NECAP1: variants seen among roughly 807,000 people sequenced by gnomAD.
NECAP1 encodes the protein adaptin ear-binding coat-associated protein 1.
NECAP1 carries 13 observed loss-of-function variants against 33.4 expected under a neutral mutation model. The ratio of observed to expected loss-of-function variants is 0.39; its 90% CI spans 0.25 to 0.62. The LOEUF (loss-of-function observed/expected upper bound fraction) is 0.62. NECAP1 is among the 20% of genes least tolerant of loss of function. The pLI is 0.52. For synonymous variants in NECAP1, 109 were observed against 125.2 expected, an observed-to-expected ratio of 0.87 and a Z score of 0.86; for missense variants, 272 against 347.4, an observed-to-expected ratio of 0.78 and a Z score of 1.73.
At chr12:8,083,163 G>A (rs1397058483) in intron 1 of NECAP1, among the ~76,000 whole-genome samples, 5 of 152,138 alleles carry the variant, frequency 3.3e-5, no homozygotes, top group Admixed American at 3.3e-4. Flanking sequence ...ATGACTGTGA[G>A]GTTCTGAGGA....
chr12:8,092,321 ACT>A, intron 4 of NECAP1: 1 of 265,786 alleles, frequency 3.8e-6, no homozygotes, highest in Non-Finnish European at 7.2e-6. Context: ...CTGCCTTAGG[ACT>A]CTCTGAAGTT....
rs368645796 is a variant in NECAP1, at chr12:8,086,538, C to T, written c.96-3398C>T. On this transcript the variant is annotated intron_variant, in intron 1 of 7. Coordinates refer to ENST00000339754, the MANE Select transcript of NECAP1 (RefSeq NM_015509.4). ...CTGAGGCAGTAGAATTGTTTGAACC[C>T]GGGAGGCGGAGGTTGCAATGAGCTG... is the stretch of plus-strand genomic sequence containing the variant. 3.7e-4 allele frequency among the ~76,000 whole-genome samples: 57 copies of T among 152,188 alleles called. No homozygotes were observed. The Middle Eastern group carries it at 0.01, about 27-fold the overall frequency.
Position 8,082,447 on chromosome 12 carries a change from C to T in NECAP1, c.95+64C>T, listed in dbSNP as rs746517484. ...TCGCAGATGACAGCTTCCTTCTCAGCTAGCACGCTGTCCGTCCCTGCCACT... is the reference window on the plus strand; with the variant it reads ...TCGCAGATGACAGCTTCCTTCTCAGTTAGCACGCTGTCCGTCCCTGCCACT... On this transcript the variant is annotated intron_variant, in intron 1 of 7. Coordinates refer to ENST00000339754, the MANE Select transcript of NECAP1 (RefSeq NM_015509.4). 15 of 1,442,422 alleles carry T rather than the reference C, an allele frequency of 1.0e-5. No homozygotes were observed. In the East Asian group the frequency reaches 1.7e-4, roughly 16 times the overall value. The allele number at this position is 1,442,422 out of a possible 1,614,324, so 89.4% of individuals were successfully genotyped here.
intron 1 of NECAP1, among the ~76,000 whole-genome samples, chr12:8,087,939 T>C (rs1947506849): frequency 6.6e-6 from 1 of 152,212 alleles, no homozygotes; most frequent in Non-Finnish European, 1.5e-5. Context: ...ACCTCTCATC[T>C]TGTTAAACTC....
In NECAP1 at chr12:8,095,633, G is replaced by C. The variant is rs752918460; in HGVS notation, c.709G>C (p.Val237Leu). 2.1e-4 allele frequency: 339 copies of C among 1,613,748 alleles called. 7 individuals carry two copies. In the South Asian group the frequency reaches 3.6e-3, roughly 17 times the overall value. Reference protein sequence around the residue: ...ILLDLDSPAPVTTPAPTPVSV... With the variant: ...ILLDLDSPAPLTTPAPTPVSV... The stretch of plus-strand genomic sequence containing the variant: ...TTTAGATTTGGATTCTCCTGCTCCT[G>C]TCACGACACCAGCACCAACTCCAGT... The change falls in exon 7 of 8, where the codon GTC (valine) becomes CTC (leucine). Residue 237 changes from valine (V) to leucine (L), a missense_variant. By Grantham distance (32) the Val-to-Leu change is conservative. Transcript: ENST00000339754.
rs757344160 is a variant in NECAP1 at position 8,090,187 on chromosome 12, T to C, written c.197-8T>C. The C allele has an allele frequency of 7.4e-6, 12 of 1,613,936 alleles. No homozygotes were observed. Among genetic ancestry groups the C allele is most frequent in the Non-Finnish European group, 1.0e-5 (12 of 1,179,792 alleles). The stretch of plus-strand genomic sequence containing the variant: ...TTTACTCAAAAAAGTCTTTCTCTTA[T>C]CTGTCAGGGGAGCTCTTTGCTCAGG... On this transcript the variant is annotated splice_polypyrimidine_tract_variant and splice_region_variant and intron_variant, in intron 2 of 7. Coordinates refer to ENST00000339754, the MANE Select transcript of NECAP1 (RefSeq NM_015509.4).
rs1317653839 is a variant in NECAP1 at position 8,093,268 on chromosome 12, A to C, written c.676+213A>C. 8 of 516,662 alleles carry C rather than the reference A, an allele frequency of 1.5e-5. No homozygotes were observed. The Admixed American group carries it at 3.1e-4, about 20-fold the overall frequency. 32.0% of individuals were successfully genotyped at this position (516,662 alleles called of 1,614,324 possible). A position where few individuals can be genotyped will look rare whatever the true frequency, so the allele number is the denominator to read the frequency against. ...CTTTGGCAGAAAATATTTGCTTATT[A>C]AAATGACAATTTCCTTCATTTTTTT... On this transcript the variant is annotated intron_variant, in intron 6 of 7. Coordinates refer to ENST00000339754, the MANE Select transcript of NECAP1 (RefSeq NM_015509.4).
In NECAP1 at chr12:8,096,550, A is replaced by G. The variant is rs1032246087; in HGVS notation, c.*460A>G. ...TCCTTCTCCACTAACCCAGGACTAA[A>G]AATGGACAGGCTGACCTCAGTGTTT... On this transcript the variant is annotated 3_prime_UTR_variant, in exon 8 of 8. Transcript: ENST00000339754. 1 of 154,814 alleles carries G rather than the reference A, an allele frequency of 6.5e-6. No individual in the cohort carries two copies. Among genetic ancestry groups the G allele is most frequent in the Non-Finnish European group, 1.4e-5 (1 of 69,402 alleles). 9.6% of individuals were successfully genotyped at this position (154,814 alleles called of 1,614,324 possible). A position where few individuals can be genotyped will look rare whatever the true frequency, so the allele number is the denominator to read the frequency against.
At position 8,089,915 on chromosome 12, in the gene NECAP1, CT is replaced by C; in HGVS notation, c.96-19del. On this transcript the variant is annotated intron_variant, in intron 1 of 7. Transcript: ENST00000339754. ...GTAAATTAAGGACATGTGCCTGAGG[CT>C]TCCTCTTTTCCTGTCCTAGGGCCTC... 6.3e-7 allele frequency: 1 copy of C among 1,584,222 alleles called. No homozygotes were observed. Among genetic ancestry groups the C allele is most frequent in the Non-Finnish European group, 8.7e-7 (1 of 1,152,988 alleles).
At chr12:8,086,464 CTT>C (rs1359859532) in intron 1 of NECAP1, among the ~76,000 whole-genome samples, 1 of 149,624 alleles carries the variant, frequency 6.7e-6, no homozygotes, top group Non-Finnish European at 1.5e-5. Flanking sequence ...ATACAAAAAA[CTT>C]AGCCAGCCGT....
chr12:8,093,310 T>G, intron 6 of NECAP1: 2 of 459,926 alleles, frequency 4.3e-6, no homozygotes, highest in Non-Finnish European at 7.6e-6. Flanking sequence ...TAGATGCTTA[T>G]AAGCTTTTGA....
In NECAP1 at chr12:8,092,725, G is replaced by A. The variant is rs1947561181; in HGVS notation, c.433G>A (p.Ala145Thr). ...TTCCAAGGAATCTCAAGAAATGGAT[G>A]CTCGTCCTAAGTTGGATCTGGGCTT... ...EISKESQEMDARPKLDLGFKE... is the reference protein window; with the variant it reads ...EISKESQEMDTRPKLDLGFKE... Residue 145 changes from alanine (A) to threonine (T), a missense_variant, in exon 5 of 8, where the codon GCT becomes ACT. Coordinates refer to ENST00000339754, the MANE Select transcript of NECAP1 (RefSeq NM_015509.4). 6.2e-7 allele frequency: 1 copy of A among 1,613,778 alleles called. No individual in the cohort carries two copies. Among genetic ancestry groups the A allele is most frequent in the Non-Finnish European group, 8.5e-7 (1 of 1,179,818 alleles).
chr12:8,096,472 C>G lies in NECAP1; in HGVS notation c.*382C>G, dbSNP rs904782639. 4.3e-5 allele frequency: 7 copies of G among 164,180 alleles called. No homozygotes were observed. The highest frequency in any genetic ancestry group is 1.7e-4 in the African/African-American group (7 of 41,934). 10.2% of individuals were successfully genotyped at this position (164,180 alleles called of 1,614,324 possible). The stretch of plus-strand genomic sequence containing the variant: ...AAATCATCTCATGACCCTTGTGTGC[C>G]TCTTTGTGAAGCCCTATTTAGCAAT... On this transcript the variant is annotated 3_prime_UTR_variant, in exon 8 of 8. Coordinates refer to ENST00000339754, the MANE Select transcript of NECAP1 (RefSeq NM_015509.4).
intron 3 of NECAP1, chr12:8,090,610 G>A: frequency 1.2e-5 from 3 of 246,702 alleles, no homozygotes; most frequent in Non-Finnish European, 2.5e-5. Context: ...GGAGTTTGAG[G>A]CCAGCCTGAC....
In NECAP1 at chr12:8,093,164, T is replaced by C. The variant is rs1032671433; in HGVS notation, c.676+109T>C. ...TTTGCTATGAAATAGCTCATGGTAC[T>C]GACAAGGTGATTCTGTCAGCTTCTA... On this transcript the variant is annotated intron_variant, in intron 6 of 7. Coordinates refer to ENST00000339754, the MANE Select transcript of NECAP1 (RefSeq NM_015509.4). The C allele has an allele frequency of 1.6e-5, 17 of 1,085,378 alleles. No homozygotes were observed. In the Admixed American group the frequency reaches 3.8e-4, roughly 25 times the overall value. 67.2% of individuals were successfully genotyped at this position (1,085,378 alleles called of 1,614,324 possible). A position where few individuals can be genotyped will look rare whatever the true frequency, so the allele number is the denominator to read the frequency against.
Position 8,092,824 on chromosome 12 carries a change from C to T in NECAP1, c.492+40C>T, listed in dbSNP as rs753635342. On this transcript the variant is annotated intron_variant, in intron 5 of 7. Transcript: ENST00000339754. ...TAAAAATTTTGTTTTCCTGTGCTTC[C>T]ATAAGCCTATGACATCTTTCTCTTG... The T allele has an allele frequency of 5.0e-6, 8 of 1,597,356 alleles. No individual in the cohort carries two copies. In the South Asian group the frequency reaches 7.9e-5, roughly 16 times the overall value.
intron 4 of NECAP1, chr12:8,092,420 A>C: frequency 2.6e-6 from 1 of 391,380 alleles, no homozygotes; most frequent in Non-Finnish European, 4.6e-6. Context: ...GGGAATGGGA[A>C]TTGGTGGCTA....
rs1565644993 is a variant in NECAP1, at chr12:8,092,657, A to G, written c.384-19A>G. On this transcript the variant is annotated intron_variant, in intron 4 of 7. Coordinates refer to ENST00000339754, the MANE Select transcript of NECAP1 (RefSeq NM_015509.4). ...TTTCAGGAAATCTCAAACTAAGATA[A>G]CTTGCTGTGTTCCCAAAGGTGGGTA... The G allele has an allele frequency of 7.6e-6, 12 of 1,579,298 alleles. No homozygotes were observed. The highest frequency in any genetic ancestry group is 9.5e-6 in the Non-Finnish European group (11 of 1,152,582).
chr12:8,086,214 G>T (rs1229501624), intron 1 of NECAP1, among the ~76,000 whole-genome samples: 1 of 152,194 alleles, frequency 6.6e-6, no homozygotes, highest in African/African-American at 2.4e-5. Context: ...TGACTGGTAA[G>T]ATTAGAGAGA....
Sources: gnomAD v4.1 joint callset for allele counts (sites outside exome capture counted in the v4.1 genomes callset) on GRCh38, gnomAD v4.1.1 for gene constraint, MANE v1.5 for transcripts, NCBI Gene and HGNC (gene_info 2026-07-23, HGNC 2026-07-21) for gene names.